Variants in RAD51B observed in about 807,000 individuals in gnomAD.
RAD51B encodes DNA repair protein RAD51 homolog 2.
Under a neutral mutation model 42.2 loss-of-function variants are expected in RAD51B, and 38 were observed. The observed-to-expected ratio is 0.90, with a 90% CI of 0.70 to 1.18. RAD51B has a LOEUF of 1.18. RAD51B is among the 50% of genes most tolerant of loss of function. The pLI is 0.00. For synonymous variants in RAD51B, 154 were observed against 145.2 expected, an observed-to-expected ratio of 1.06 and a Z score of -0.43; for missense variants, 373 against 400.7, an observed-to-expected ratio of 0.93 and a Z score of 0.59.
At chr14:68,416,150 G>A (rs1363019572) in intron 9 of RAD51B, among the ~76,000 whole-genome samples, 1 of 152,146 alleles carries the variant, frequency 6.6e-6, no homozygotes, top group Non-Finnish European at 1.5e-5. Context: ...TTTTCTCAAA[G>A]TCCTAGTTTT....
chr14:68,634,945 G>A (rs1892311702), intron 10 of RAD51B, among the ~76,000 whole-genome samples: 2 of 152,138 alleles, frequency 1.3e-5, no homozygotes, highest in South Asian at 4.1e-4. Context: ...CGAGGCTCTG[G>A]GGCCTGCCTC....
intron 9 of RAD51B, among the ~76,000 whole-genome samples, chr14:68,453,987 TAAG>T (rs1353255755): frequency 6.6e-6 from 1 of 151,958 alleles, no homozygotes; most frequent in East Asian, 1.9e-4. Context: ...AAAGATGACA[TAAG>T]AACAAGAATA....
intron 4 of RAD51B, among the ~76,000 whole-genome samples, chr14:67,836,433 A>G (rs1426364133): frequency 6.6e-6 from 1 of 151,918 alleles, no homozygotes; most frequent in Non-Finnish European, 1.5e-5. Flanking sequence ...ACTTTTCGTC[A>G]TTAGAAGTGA....
At chr14:68,232,970 A>T (rs2080176853) in intron 7 of RAD51B, among the ~76,000 whole-genome samples, 1 of 152,188 alleles carries the variant, frequency 6.6e-6, no homozygotes, top group African/African-American at 2.4e-5. Context: ...TCTATAGAAA[A>T]ATCTAGAAGA....
chr14:68,103,712 G>A (rs8014524), intron 7 of RAD51B, among the ~76,000 whole-genome samples: 25,983 of 152,082 alleles, frequency 0.17, 2,409 homozygotes, highest in Middle Eastern at 0.35. Flanking sequence ...TGTCCTACCC[G>A]CAAGGACAAA....
chr14:68,203,817 C>T (rs1292706022), intron 7 of RAD51B, among the ~76,000 whole-genome samples: 1 of 152,210 alleles, frequency 6.6e-6, no homozygotes, highest in Non-Finnish European at 1.5e-5. Context: ...ACAGAGGTGG[C>T]CTCTTTCCTT....
At chr14:67,930,100 A>G (rs943603047) in intron 7 of RAD51B, among the ~76,000 whole-genome samples, 1 of 152,156 alleles carries the variant, frequency 6.6e-6, no homozygotes, top group African/African-American at 2.4e-5. Context: ...GGTAAAGTGC[A>G]CTGATTGTAG....
intron 8 of RAD51B, among the ~76,000 whole-genome samples, chr14:68,337,053 A>C (rs978164176): frequency 2.6e-5 from 4 of 152,172 alleles, no homozygotes; most frequent in Non-Finnish European, 5.9e-5. Context: ...TTTCATTTGT[A>C]GTTTACTTAC....
At chr14:68,348,845 G>A (rs1415789867) in intron 8 of RAD51B, among the ~76,000 whole-genome samples, 1 of 152,216 alleles carries the variant, frequency 6.6e-6, no homozygotes, top group Non-Finnish European at 1.5e-5. Context: ...CTTTCAGTGA[G>A]CCAAGATCCT....
chr14:68,353,285 ATAAAG>A (rs1181664670), intron 8 of RAD51B, among the ~76,000 whole-genome samples: 1 of 152,214 alleles, frequency 6.6e-6, no homozygotes, highest in Non-Finnish European at 1.5e-5. Flanking sequence ...ATAAAGAAAA[ATAAAG>A]TAATGCATTG....
intron 7 of RAD51B, among the ~76,000 whole-genome samples, chr14:68,208,720 G>A (rs140643190): frequency 1.3e-5 from 2 of 152,134 alleles, no homozygotes; most frequent in Non-Finnish European, 2.9e-5. Context: ...AAATGATAGA[G>A]CTTGAACTCA....
chr14:68,446,391 C>T (rs1194066455), intron 9 of RAD51B, among the ~76,000 whole-genome samples: 5 of 152,168 alleles, frequency 3.3e-5, no homozygotes, highest in African/African-American at 1.2e-4. Flanking sequence ...CTTACCCCTT[C>T]TCTCATACCT....
At chr14:68,517,287 G>A (rs944985687) in intron 10 of RAD51B, among the ~76,000 whole-genome samples, 1 of 151,960 alleles carries the variant, frequency 6.6e-6, no homozygotes, top group Admixed American at 6.6e-5. Context: ...GAGGAGGGGA[G>A]GAGAGAAAAA....
intron 8 of RAD51B, among the ~76,000 whole-genome samples, chr14:68,298,912 G>A (rs1156285024): frequency 2.0e-5 from 3 of 152,146 alleles, no homozygotes; most frequent in Admixed American, 6.6e-5. Context: ...GGCATGAAGC[G>A]TCTTCAGAAT....
chr14:68,541,196 C>G (rs1367438169), intron 10 of RAD51B: 1 of 985,272 alleles, frequency 1.0e-6, no homozygotes, highest in African/African-American at 1.7e-5. Context: ...GCTGCAGATC[C>G]TTTCTCTGCT....
chr14:68,586,501 A>G (rs990868986), intron 10 of RAD51B, among the ~76,000 whole-genome samples: 1 of 152,162 alleles, frequency 6.6e-6, no homozygotes, highest in African/African-American at 2.4e-5. Context: ...GGGTGATGTC[A>G]GGGGAGGTGG....
chr14:68,634,569 C>A (rs945177377), intron 10 of RAD51B, among the ~76,000 whole-genome samples: 2 of 152,160 alleles, frequency 1.3e-5, no homozygotes, highest in Non-Finnish European at 2.9e-5. Flanking sequence ...GGATTCTCAG[C>A]CTGCCACTGG....
chr14:68,581,207 T>C (rs993287327), intron 10 of RAD51B, among the ~76,000 whole-genome samples: 4 of 152,142 alleles, frequency 2.6e-5, no homozygotes, highest in Admixed American at 2.0e-4. Context: ...GCAAAAGTGA[T>C]AGGCGGTCAG....
At chr14:68,532,838 T>C (rs73282382) in intron 10 of RAD51B, among the ~76,000 whole-genome samples, 1,591 of 152,294 alleles carry the variant, frequency 0.01, 22 homozygotes, top group African/African-American at 0.035. Flanking sequence ...AGATGACATG[T>C]CTTAATATAG....
Sources: allele counts gnomAD v4.1 joint callset (sites outside exome capture counted in the v4.1 genomes callset), GRCh38; gene constraint gnomAD v4.1.1; transcripts MANE v1.5; gene names NCBI Gene and HGNC (gene_info 2026-07-23, HGNC 2026-07-21).